The following TCF4 variants were observed in gnomAD, a reference collection of about 807,000 sequenced individuals.
The protein encoded by TCF4 is SL3-3 enhancer factor 2.
In TCF4, 3 loss-of-function variants were observed where a neutral mutation model predicts 82.1. The observed-to-expected ratio is 0.04, with a 90% confidence interval of 0.02 to 0.09. The LOEUF (loss-of-function observed/expected upper bound fraction) is 0.09, where lower values mean the gene tolerates loss of function less well. Ranked by LOEUF, TCF4 falls within the 10% of genes least tolerant of loss-of-function variation. The pLI is 1.00. For synonymous variants in TCF4, 276 were observed against 309.6 expected, an observed-to-expected ratio of 0.89 and a Z score of 1.14; for missense variants, 518 against 852.7, an observed-to-expected ratio of 0.61 and a Z score of 4.89.
intron 8 of TCF4, among the ~76,000 whole-genome samples, chr18:55,291,600 T>C (rs543804313): frequency 6.6e-6 from 1 of 152,178 alleles, no homozygotes; most frequent in Non-Finnish European, 1.5e-5. Context: ...AATTACCAAA[T>C]GTATGACTCT....
chr18:55,423,537 GA>G (rs1433253746), intron 5 of TCF4: 1 of 151,968 alleles, frequency 6.6e-6, no homozygotes, highest in Non-Finnish European at 1.5e-5. Flanking sequence ...CCACTTTTTT[GA>G]GCTAAAGTGT....
At chr18:55,523,617 TTTA>T (rs1451269130) in intron 3 of TCF4, among the ~76,000 whole-genome samples, 1 of 152,032 alleles carries the variant, frequency 6.6e-6, no homozygotes, top group African/African-American at 2.4e-5. Flanking sequence ...ACTTTCCCTT[TTTA>T]TTTTTTCACT....
chr18:55,622,701 G>A (rs1317090473), intron 2 of TCF4, among the ~76,000 whole-genome samples: 2 of 151,874 alleles, frequency 1.3e-5, no homozygotes, highest in East Asian at 1.9e-4. Flanking sequence ...GATGAAACTG[G>A]GTCTCCAGAT....
rs891815356 is a variant in TCF4, at chr18:55,401,950, A to T, written c.369+1504T>A. On this transcript the variant is annotated intron_variant, in intron 6 of 19. Coordinates refer to ENST00000354452, the MANE Select transcript of TCF4 (RefSeq NM_001083962.2). ...CTCCGCCTTGACCCTCAGAAACCAGACCCACAGGAACACGGTCTTCTGCAG... is the reference window on the plus strand; with the variant it reads ...CTCCGCCTTGACCCTCAGAAACCAGTCCCACAGGAACACGGTCTTCTGCAG... 29 of 905,896 alleles carry T rather than the reference A, an allele frequency of 3.2e-5. No homozygotes were observed. In the South Asian group the frequency reaches 1.4e-3, roughly 43 times the overall value. 56.1% of individuals were successfully genotyped at this position (905,896 alleles called of 1,614,324 possible). A position where few individuals can be genotyped will look rare whatever the true frequency, so the allele number is the denominator to read the frequency against.
chr18:55,468,620 G>A (rs923597197), intron 3 of TCF4, among the ~76,000 whole-genome samples: 2 of 152,164 alleles, frequency 1.3e-5, no homozygotes, highest in African/African-American at 4.8e-5. Context: ...TGTGATGTAC[G>A]TTTATTATAG....
intron 8 of TCF4, among the ~76,000 whole-genome samples, chr18:55,331,129 CAGACAGAAGCTGCT>C (rs2077499763): frequency 6.6e-6 from 1 of 152,096 alleles, no homozygotes; most frequent in African/African-American, 2.4e-5. Context: ...AGGGAAGAGA[CAGACAGAAGCTGCT>C]AGACAGAAGC....
At chr18:55,302,434 G>T in intron 8 of TCF4, 1 of 1,536,254 alleles carries the variant, frequency 6.5e-7, no homozygotes, top group South Asian at 1.2e-5. Context: ...TCCCTTCGTG[G>T]TCCAGGCAAC....
At chr18:55,273,307 TAC>T (rs1432194961) in intron 10 of TCF4, among the ~76,000 whole-genome samples, 1 of 152,186 alleles carries the variant, frequency 6.6e-6, no homozygotes, top group Non-Finnish European at 1.5e-5. Context: ...ATTTTATCTT[TAC>T]AGATAATATC....
intron 8 of TCF4, among the ~76,000 whole-genome samples, chr18:55,320,001 T>A (rs1262601416): frequency 6.6e-6 from 1 of 152,208 alleles, no homozygotes; most frequent in African/African-American, 2.4e-5. Context: ...ATAAGGGCTA[T>A]CTAATCCCTG....
intron 6 of TCF4, among the ~76,000 whole-genome samples, chr18:55,357,438 T>C (rs530446814): frequency 6.6e-6 from 1 of 152,358 alleles, no homozygotes; most frequent in East Asian, 1.9e-4. Context: ...TGAGTTGATA[T>C]GCTATAATCA....
chr18:55,438,495 A>C (rs1000370591), intron 5 of TCF4, among the ~76,000 whole-genome samples: 9 of 152,224 alleles, frequency 5.9e-5, no homozygotes, highest in Non-Finnish European at 1.3e-4. Flanking sequence ...GTGAAAAAAG[A>C]AAGTGATGTA....
At chr18:55,509,758 A>G (rs1208397436) in intron 3 of TCF4, among the ~76,000 whole-genome samples, 1 of 152,134 alleles carries the variant, frequency 6.6e-6, no homozygotes, top group African/African-American at 2.4e-5. Context: ...TCCCAGAGGA[A>G]TTCCATCAAT....
At chr18:55,278,788 T>C (rs1352664566) in intron 9 of TCF4, among the ~76,000 whole-genome samples, 1 of 145,930 alleles carries the variant, frequency 6.9e-6, no homozygotes, top group Non-Finnish European at 1.5e-5. Context: ...CAGGATGGTC[T>C]TGATATCCTG....
intron 5 of TCF4, among the ~76,000 whole-genome samples, chr18:55,444,960 C>T (rs1158093824): frequency 1.3e-5 from 2 of 152,164 alleles, no homozygotes. Context: ...CCAACCATTT[C>T]CATCATTTTA....
At chr18:55,387,975 G>T (rs781137450) in intron 6 of TCF4, among the ~76,000 whole-genome samples, 2 of 152,134 alleles carry the variant, frequency 1.3e-5, no homozygotes, top group Admixed American at 1.3e-4. Context: ...GTGTGATGAC[G>T]ACCAACCTCA....
At chr18:55,333,666 T>C (rs1451971090) in intron 8 of TCF4, among the ~76,000 whole-genome samples, 1 of 152,186 alleles carries the variant, frequency 6.6e-6, no homozygotes, top group Non-Finnish European at 1.5e-5. Flanking sequence ...GTAAGTAAAA[T>C]TGGGCCATAC....
chr18:55,245,159 A>C (rs960076902), intron 15 of TCF4, among the ~76,000 whole-genome samples: 2 of 152,106 alleles, frequency 1.3e-5, no homozygotes, highest in Non-Finnish European at 2.9e-5. Flanking sequence ...TTCAGTTCTC[A>C]CTCCTAAAGC....
intron 6 of TCF4, among the ~76,000 whole-genome samples, chr18:55,367,121 C>T (rs1326667462): frequency 1.3e-5 from 2 of 152,186 alleles, no homozygotes; most frequent in Non-Finnish European, 2.9e-5. Context: ...ACGTGTTGCA[C>T]ATTCAAAGCC....
At chr18:55,228,189 TC>T in intron 19 of TCF4, 31 bp downstream of exon 19, 2 of 1,613,934 alleles carry the variant, frequency 1.2e-6, no homozygotes, top group Non-Finnish European at 1.7e-6. Context: ...TTTTGAATGA[TC>T]GATCTCAGAA....
Sources: gnomAD v4.1 joint callset for allele counts (sites outside exome capture counted in the v4.1 genomes callset) on GRCh38, gnomAD v4.1.1 for gene constraint, MANE v1.5 for transcripts, NCBI Gene and HGNC (gene_info 2026-07-23, HGNC 2026-07-21) for gene names.